The following ERBB2 variants were observed in gnomAD, a reference collection of about 807,000 sequenced individuals.
ERBB2 encodes the protein erb-b2 receptor tyrosine kinase 2.
A neutral mutation model predicts 149.0 loss-of-function variants in ERBB2; 61 were observed. The observed-to-expected ratio is 0.41, with a 90% CI of 0.33 to 0.51. The LOEUF (loss-of-function observed/expected upper bound fraction) is 0.51. Among genes scored for constraint, ERBB2 ranks in the 20% least tolerant of loss-of-function variants. The pLI is 0.25. For missense variants in ERBB2, 1,205 were observed against 1,655.1 expected, an observed-to-expected ratio of 0.73 and a Z score of 4.72; for synonymous variants, 633 against 678.8, an observed-to-expected ratio of 0.93 and a Z score of 1.05.
At position 39,725,124 on chromosome 17, in the gene ERBB2, A is replaced by C. The variant is rs2145865076; in HGVS notation, c.2569A>C (p.Asn857His). The C allele has an allele frequency of 6.2e-7, 1 of 1,614,162 alleles. No individual in the cohort carries two copies. Among genetic ancestry groups the C allele is most frequent in the Non-Finnish European group, 8.5e-7 (1 of 1,180,028 alleles). The change falls in exon 21 of 27, where the codon AAC becomes CAC. Residue 857 changes from asparagine (N) to histidine (H), a missense_variant. Asn to His is a moderately conservative substitution (Grantham distance 68). This residue lies in a region of ERBB2 where 152 missense variants were observed against 318.1 expected (regional missense o/e 0.48). Coordinates refer to ENST00000269571, the MANE Select transcript of ERBB2 (RefSeq NM_004448.4). The surrounding 1 kb of genome is among the most constrained non-coding windows in gnomAD (Gnocchi z 4.6). ...TCGGAACGTGCTGGTCAAGAGTCCC[A>C]ACCATGTCAAAATTACAGACTTCGG... ...AARNVLVKSP[N>H]HVKITDFGLA...
At chr17:39,691,546 T>TAA (rs557885708), upstream of ERBB2, among the ~76,000 whole-genome samples, 935 of 108,326 alleles carry the variant, frequency 8.6e-3, 25 homozygotes, top group Admixed American at 0.045. Context: ...CCATCTACAT[T>TAA]AAAAAAAAAA....
rs1292098635 is a variant in ERBB2 at position 39,725,483 on chromosome 17, C to T, written c.2725+81C>T. The T allele has an allele frequency of 1.8e-5, 26 of 1,436,732 alleles. No homozygotes were observed. The highest frequency in any genetic ancestry group is 1.4e-4 in the East Asian group (6 of 43,810). The allele number at this position is 1,436,732 out of a possible 1,614,324, so 89.0% of individuals were successfully genotyped here. ...ATGAGAGCTGGGATGGGGAGAATTA[C>T]GGGGCCACCTCAGCATGTGAAGGGA... On this transcript the variant is annotated intron_variant, in intron 22 of 26. Transcript: ENST00000269571. The surrounding 1 kb of genome is among the most constrained non-coding windows in gnomAD (Gnocchi z 4.6).
In ERBB2 at chr17:39,724,272, AT is replaced by A. The variant is rs71149796; in HGVS notation, c.2307+278del. Among the ~76,000 whole-genome samples, 84 of 76,972 alleles carry A rather than the reference AT, an allele frequency of 1.1e-3. 2 individuals are homozygous for A. Among genetic ancestry groups the A allele is most frequent in the Middle Eastern group, 0.018 (2 of 114 alleles). 50.5% of individuals were successfully genotyped at this position (76,972 alleles called of 152,430 possible). On this transcript the variant is annotated intron_variant, in intron 19 of 26. Transcript: ENST00000269571. ...TAGCTGGGATTACAAGCGCCCGCTA[AT>A]TTTTTTTTTTTTTTTGAGACAGAGT...
In ERBB2 at chr17:39,725,157, C is replaced by G. The variant is rs1351325116; in HGVS notation, c.2602C>G (p.Arg868Gly). 6.2e-7 allele frequency: 1 copy of G among 1,614,090 alleles called. No individual in the cohort carries two copies. Residue 868 changes from arginine to glycine, a missense_variant, in exon 21 of 27, where the codon CGG becomes GGG. Physicochemically the swap from Arg to Gly is moderately radical, Grantham distance 125. This residue lies in a region of ERBB2 where 152 missense variants were observed against 318.1 expected (regional missense o/e 0.48). Coordinates refer to ENST00000269571, the MANE Select transcript of ERBB2 (RefSeq NM_004448.4). This position sits in a 1 kb window ranked among gnomAD's most constrained non-coding sequence, Gnocchi z 4.6. ...CAAAATTACAGACTTCGGGCTGGCT[C>G]GGCTGCTGGACATTGACGAGACAGA... ...HVKITDFGLARLLDIDETEYH... is the reference protein window; with the variant it reads ...HVKITDFGLAGLLDIDETEYH...
rs546000185 is a variant in ERBB2, at chr17:39,711,992, G to A, written c.966G>A (p.Val322=). 3.1e-6 allele frequency: 5 copies of A among 1,614,136 alleles called. No individual in the cohort carries two copies. The highest frequency in any genetic ancestry group is 1.6e-4 in the Middle Eastern group (1 of 6,062). The change falls in exon 8 of 27, where the codon GTG becomes GTA. Residue 322 remains valine, a synonymous_variant. Coordinates refer to ENST00000269571, the MANE Select transcript of ERBB2 (RefSeq NM_004448.4). ...TCTGCCCCCTGCACAACCAAGAGGT[G>A]ACAGCAGAGGATGGAACACAGCGGT... ...TLVCPLHNQE[V]TAEDGTQRCE...
intron 2 of ERBB2, 63 bp downstream of exon 2, chr17:39,707,204 G>A (rs2145414995): frequency 3.6e-6 from 5 of 1,397,716 alleles, no homozygotes; most frequent in Non-Finnish European, 4.7e-6. Flanking sequence ...TCTGTTTACA[G>A]GTGGGTGGCA....
chr17:39,699,620 A>C (rs953994903), upstream of ERBB2: 11 of 1,243,112 alleles, frequency 8.8e-6, no homozygotes, highest in Non-Finnish European at 1.1e-5. Flanking sequence ...CTTGACTATC[A>C]ATTTTACTAG....
Position 39,726,136 on chromosome 17 carries a change from C to T in ERBB2, c.2872+283C>T. On this transcript the variant is annotated intron_variant, in intron 23 of 26. Transcript: ENST00000269571. This position sits in a 1 kb window ranked among gnomAD's most constrained non-coding sequence, Gnocchi z 5.1. ...ATCCCTTGAAGCCAGGAGTTCAAGA[C>T]CAGCCTGGGCAACATAGTGAGATCC... The T allele has an allele frequency of 2.2e-6, 1 of 453,046 alleles. No homozygotes were observed. Among genetic ancestry groups the T allele is most frequent in the Non-Finnish European group, 3.9e-6 (1 of 253,898 alleles). 28.1% of individuals were successfully genotyped at this position (453,046 alleles called of 1,614,324 possible).
At chr17:39,708,590 A>G in intron 3 of ERBB2, 56 bp downstream of exon 3, 1 of 1,384,680 alleles carries the variant, frequency 7.2e-7, no homozygotes, top group Non-Finnish European at 1.0e-6. Context: ...GACCAGGGCC[A>G]CTGCTAACCA....
At chr17:39,697,083 A>G (rs1284411999), upstream of ERBB2, among the ~76,000 whole-genome samples, 2 of 152,252 alleles carry the variant, frequency 1.3e-5, no homozygotes, top group African/African-American at 4.8e-5. Flanking sequence ...ATACATGCCC[A>G]ACTTTTCTCT....
chr17:39,705,386 C>T (rs1371426043), intron 1 of ERBB2, among the ~76,000 whole-genome samples: 1 of 152,176 alleles, frequency 6.6e-6, no homozygotes, highest in Admixed American at 6.5e-5. Context: ...GGGGGAGGTC[C>T]TGGCAGCAGG....
chr17:39,711,114 G>A (rs4252621), intron 7 of ERBB2, among the ~76,000 whole-genome samples: 100 of 152,158 alleles, frequency 6.6e-4, no homozygotes, highest in Admixed American at 4.2e-3. Flanking sequence ...TGGCCAGACT[G>A]GTCTCGAACT....
chr17:39,688,120 T>C, exon 1 of ERBB2: 1 of 1,071,494 alleles, frequency 9.3e-7, no homozygotes, highest in Non-Finnish European at 1.2e-6. Context: ...TCCGCTGAAG[T>C]CCACACAGTT....
At chr17:39,719,146 A>G (rs976925284) in intron 15 of ERBB2, among the ~76,000 whole-genome samples, 1 of 152,172 alleles carries the variant, frequency 6.6e-6, no homozygotes, top group African/African-American at 2.4e-5. Context: ...CTGTAATCCC[A>G]GCTATTTGAG....
rs1371638608 is a variant in ERBB2, at chr17:39,727,533, G to A, written c.3398G>A (p.Cys1133Tyr). The change falls in exon 26 of 27, where the codon TGC becomes TAC. Residue 1133 changes from cysteine to tyrosine, a missense_variant. Cys to Tyr is a radical substitution (Grantham distance 194, BLOSUM62 -2). This residue lies in a region of ERBB2 where 312 missense variants were observed against 343.8 expected (regional missense o/e 0.91). Coordinates refer to ENST00000269571, the MANE Select transcript of ERBB2 (RefSeq NM_004448.4). This position sits in a 1 kb window ranked among gnomAD's most constrained non-coding sequence, Gnocchi z 4.3. ...GATGGCTACGTTGCCCCCCTGACCT[G>A]CAGCCCCCAGCCTGGTATGGAGTCC... ...ETDGYVAPLTCSPQPEYVNQP... is the reference protein window; with the variant it reads ...ETDGYVAPLTYSPQPEYVNQP... 2 of 1,601,636 alleles carry A rather than the reference G, an allele frequency of 1.2e-6. No individual in the cohort carries two copies. The highest frequency in any genetic ancestry group is 1.1e-5 in the South Asian group (1 of 89,292).
rs545970596 is a variant in ERBB2, at chr17:39,706,967, A to G, written c.74-23A>G. The stretch of plus-strand genomic sequence containing the variant: ...GAAGGTCCCCCGCCAGTGTCCTCTG[A>G]CCCATCTGCTCTCTCCTGCCAGTGT... On this transcript the variant is annotated intron_variant, in intron 1 of 26. Coordinates refer to ENST00000269571, the MANE Select transcript of ERBB2 (RefSeq NM_004448.4). 11 of 1,538,520 alleles carry G rather than the reference A, an allele frequency of 7.1e-6. No individual in the cohort carries two copies. In the African/African-American group the frequency reaches 1.2e-4, roughly 17 times the overall value.
intron 15 of ERBB2, among the ~76,000 whole-genome samples, chr17:39,719,174 T>C (rs1447087200): frequency 6.6e-6 from 1 of 151,954 alleles, no homozygotes; most frequent in Non-Finnish European, 1.5e-5. Context: ...GACAGGAGAA[T>C]TGCTTGAACC....
chr17:39,717,334 T>C lies in ERBB2; in HGVS notation c.1752T>C (p.Cys584=). The change falls in exon 15 of 27, where the codon TGT becomes TGC. Residue 584 remains cysteine, a synonymous_variant. Coordinates refer to ENST00000269571, the MANE Select transcript of ERBB2 (RefSeq NM_004448.4). Reference sequence around the variant, plus strand: ...GCCCCCCCCAGGAGGCTGACCAGTGTGTGGCCTGTGCCCACTATAAGGACC... The same window carrying C: ...GCCCCCCCCAGGAGGCTGACCAGTGCGTGGCCTGTGCCCACTATAAGGACC... ...VTCFGPEADQ[C]VACAHYKDPP... is the part of the protein sequence containing the mutation. The C allele has an allele frequency of 6.2e-7, 1 of 1,611,920 alleles. No individual in the cohort carries two copies. The highest frequency in any genetic ancestry group is 1.1e-5 in the South Asian group (1 of 90,964).
intron 1 of ERBB2, among the ~76,000 whole-genome samples, chr17:39,701,340 C>G (rs1188954619): frequency 6.6e-6 from 1 of 151,992 alleles, no homozygotes; most frequent in African/African-American, 2.4e-5. Flanking sequence ...AGTAGCAGTC[C>G]AGAGGTTGAG....
Sources: gnomAD v4.1 joint callset for allele counts (sites outside exome capture counted in the v4.1 genomes callset) on GRCh38, gnomAD v4.1.1 for gene constraint, gnomAD v4.1.1 regional missense constraint, Gnocchi (gnomAD v3.1) non-coding constraint, MANE v1.5 for transcripts, NCBI Gene and HGNC (gene_info 2026-07-23, HGNC 2026-07-21) for gene names.